The following NTN1 variants were observed in gnomAD, a reference collection of about 807,000 sequenced individuals.
The protein encoded by NTN1 is netrin-1.
A neutral mutation model predicts 54.2 loss-of-function variants in NTN1; 11 were observed. The ratio of observed to expected loss-of-function variants is 0.20; its 90% CI spans 0.13 to 0.34. The LOEUF (loss-of-function observed/expected upper bound fraction) is 0.34. Ranked by LOEUF, NTN1 falls within the 10% of genes least tolerant of loss-of-function variation. NTN1 has a pLI of 1.00. For synonymous variants in NTN1, 371 were observed against 382.0 expected (o/e 0.97, Z 0.33); for missense variants, 740 against 893.1 (o/e 0.83, Z 2.18).
rs573882907 is a variant in NTN1, at chr17:9,148,018, T to C, written c.1019-14795T>C. On this transcript the variant is annotated intron_variant, in intron 2 of 6. Coordinates refer to ENST00000173229, the MANE Select transcript of NTN1 (RefSeq NM_004822.3). Reference sequence around the variant, plus strand: ...TGTGTCTCCTGGAACTGGAGTGTGATTGGTTCCACATGGGGATCTTTGCAT... The same window carrying C: ...TGTGTCTCCTGGAACTGGAGTGTGACTGGTTCCACATGGGGATCTTTGCAT... Among the ~76,000 whole-genome samples, 200 of 152,254 alleles carry C rather than the reference T, an allele frequency of 1.3e-3. 1 individual carries two copies. The highest frequency in any genetic ancestry group is 4.3e-3 in the African/African-American group (178 of 41,554).
At chr17:9,015,484 C>T in the NTN1 span, among the ~76,000 whole-genome samples, 1 of 152,048 alleles carries the variant, frequency 6.6e-6, no homozygotes, top group East Asian at 1.9e-4. Context: ...CAAAGGCACC[C>T]CCGGCCACCC....
At chr17:9,216,368 C>G (rs1305520632) in intron 5 of NTN1, among the ~76,000 whole-genome samples, 1 of 152,230 alleles carries the variant, frequency 6.6e-6, no homozygotes, top group Non-Finnish European at 1.5e-5. Context: ...TGCCTTTCTT[C>G]TCCTAGTTCA....
chr17:9,112,596 C>T (rs938447631), intron 2 of NTN1, among the ~76,000 whole-genome samples: 1 of 147,370 alleles, frequency 6.8e-6, no homozygotes, highest in Non-Finnish European at 1.5e-5. Flanking sequence ...GAGGCCGAGG[C>T]AGGCGGATCA....
intron 5 of NTN1, among the ~76,000 whole-genome samples, chr17:9,202,123 C>A (rs1904816935): frequency 6.8e-6 from 1 of 147,158 alleles, no homozygotes; most frequent in South Asian, 2.2e-4. Context: ...CACCTGTAGT[C>A]CCAGCTACTC....
chr17:9,136,943 G>A (rs1278002665), intron 2 of NTN1, among the ~76,000 whole-genome samples: 1 of 152,092 alleles, frequency 6.6e-6, no homozygotes, highest in Non-Finnish European at 1.5e-5. Flanking sequence ...TCACTTCAGC[G>A]CACAAAAAGG....
chr17:9,127,877 G>T (rs1331782442), intron 2 of NTN1, among the ~76,000 whole-genome samples: 3 of 152,218 alleles, frequency 2.0e-5, no homozygotes, highest in Admixed American at 1.3e-4. Context: ...AGCACTTTGG[G>T]AGGCTGAGGT....
At position 9,239,076 on chromosome 17, in the gene NTN1, T is replaced by G. The variant is rs1597556391; in HGVS notation, c.1487-564T>G. ...ATGGCTTAGGCGTGGGAAGCGGCAGTCCAAGGTTCCCGGGGCTCTGGAAAA... is the reference window on the plus strand; with the variant it reads ...ATGGCTTAGGCGTGGGAAGCGGCAGGCCAAGGTTCCCGGGGCTCTGGAAAA... On this transcript the variant is annotated intron_variant, in intron 6 of 6. Coordinates refer to ENST00000173229, the MANE Select transcript of NTN1 (RefSeq NM_004822.3). This position sits in a 1 kb window ranked among gnomAD's most constrained non-coding sequence, Gnocchi z 5.2. Among the ~76,000 whole-genome samples, 1 of 152,128 alleles carries G rather than the reference T, an allele frequency of 6.6e-6. No individual in the cohort carries two copies. The highest frequency in any genetic ancestry group is 2.4e-5 in the African/African-American group (1 of 41,406).
intron 2 of NTN1, among the ~76,000 whole-genome samples, chr17:9,094,323 A>G (rs968935397): frequency 1.4e-4 from 21 of 152,098 alleles, no homozygotes; most frequent in Admixed American, 1.2e-3. Flanking sequence ...ACAGTGAGGT[A>G]CATTCTTGGA....
Position 9,212,124 on chromosome 17 carries a change from C to G in NTN1, c.1412-9044C>G, listed in dbSNP as rs1905120108. 6.6e-6 allele frequency among the ~76,000 whole-genome samples: 1 copy of G among 152,190 alleles called. No individual in the cohort carries two copies. Among genetic ancestry groups the G allele is most frequent in the Non-Finnish European group, 1.5e-5 (1 of 68,034 alleles). ...AGGGTGATGGATTGGGTCAGCGAGACTAGTACAGGCTTAGAGAGATGGGTG... is the reference window on the plus strand; with the variant it reads ...AGGGTGATGGATTGGGTCAGCGAGAGTAGTACAGGCTTAGAGAGATGGGTG... On this transcript the variant is annotated intron_variant, in intron 5 of 6. Transcript: ENST00000173229. This position sits in a 1 kb window ranked among gnomAD's most constrained non-coding sequence, Gnocchi z 5.5.
At chr17:9,059,828 CAAAAAAAAA>C (rs34556932) in intron 2 of NTN1, among the ~76,000 whole-genome samples, 1 of 140,868 alleles carries the variant, frequency 7.1e-6, no homozygotes. Flanking sequence ...ACCTCAATTA[CAAAAAAAAA>C]AAAAAAAAAA....
At position 9,179,928 on chromosome 17, in the gene NTN1, G is replaced by C. The variant is rs745580830; in HGVS notation, c.1329G>C (p.Gln443His). 1.2e-6 allele frequency: 2 copies of C among 1,613,942 alleles called. No homozygotes were observed. The highest frequency in any genetic ancestry group is 1.7e-6 in the Non-Finnish European group (2 of 1,179,982). The change falls in exon 4 of 7, where the codon CAG (glutamine) becomes CAC (histidine). Residue 443 changes from glutamine to histidine, a missense_variant. Coordinates refer to ENST00000173229, the MANE Select transcript of NTN1 (RefSeq NM_004822.3). ...ACCGCTGCGCCAAAGGCTACCAGCAGAGCCGCTCTCCCATCGCCCCCTGCA... is the reference window on the plus strand; with the variant it reads ...ACCGCTGCGCCAAAGGCTACCAGCACAGCCGCTCTCCCATCGCCCCCTGCA... Reference protein sequence around the residue: ...TCNRCAKGYQQSRSPIAPCIK... With the variant: ...TCNRCAKGYQHSRSPIAPCIK...
At position 9,219,116 on chromosome 17, in the gene NTN1, C is replaced by A. The variant is rs1010318063; in HGVS notation, c.1412-2052C>A. On this transcript the variant is annotated intron_variant, in intron 5 of 6. Coordinates refer to ENST00000173229, the MANE Select transcript of NTN1 (RefSeq NM_004822.3). This position sits in a 1 kb window ranked among gnomAD's most constrained non-coding sequence, Gnocchi z 4.5. Reference sequence around the variant, plus strand: ...TGGCTTTATTGTGAGCGTCATCTATCCCTGAGCTGGCAAAGATGTGGCCCA... The same window carrying A: ...TGGCTTTATTGTGAGCGTCATCTATACCTGAGCTGGCAAAGATGTGGCCCA... Among the ~76,000 whole-genome samples the A allele has an allele frequency of 2.6e-5, 4 of 152,216 alleles. No homozygotes were observed. Among genetic ancestry groups the A allele is most frequent in the African/African-American group, 9.6e-5 (4 of 41,462 alleles).
chr17:9,132,079 C>G (rs1430688181), intron 2 of NTN1, among the ~76,000 whole-genome samples: 1 of 151,608 alleles, frequency 6.6e-6, no homozygotes, highest in Non-Finnish European at 1.5e-5. Flanking sequence ...TGTTTCAATA[C>G]TCTGTCCGCG....
intron 3 of NTN1, chr17:9,179,166 G>A (rs1312878200): frequency 6.6e-6 from 1 of 152,176 alleles, no homozygotes; most frequent in East Asian, 1.9e-4. Flanking sequence ...ATTTAATCAG[G>A]GCTTTAAGCT....
intron 2 of NTN1, among the ~76,000 whole-genome samples, chr17:9,068,232 A>T (rs915428353): frequency 6.6e-6 from 1 of 152,076 alleles, no homozygotes; most frequent in Non-Finnish European, 1.5e-5. Context: ...CCCAGGTTGG[A>T]GTACAGTGGT....
intron 2 of NTN1, among the ~76,000 whole-genome samples, chr17:9,127,234 C>A (rs531037374): frequency 3.9e-4 from 60 of 152,122 alleles, no homozygotes; most frequent in African/African-American, 1.4e-3. Flanking sequence ...AGCCAGGAGG[C>A]CTTGGAAGTT....
chr17:9,157,917 TAAAC>T (rs1322113661), intron 2 of NTN1, among the ~76,000 whole-genome samples: 1 of 152,146 alleles, frequency 6.6e-6, no homozygotes, highest in Admixed American at 6.5e-5. Flanking sequence ...ATGCAGGAGA[TAAAC>T]AGGAAGGCGC....
chr17:9,100,343 G>C (rs2092146162), intron 2 of NTN1, among the ~76,000 whole-genome samples: 1 of 152,128 alleles, frequency 6.6e-6, no homozygotes, highest in African/African-American at 2.4e-5. Context: ...TGTTGCCCAG[G>C]CTGGAGTGCA....
At chr17:9,081,747 G>A (rs2092072005) in intron 2 of NTN1, among the ~76,000 whole-genome samples, 1 of 152,206 alleles carries the variant, frequency 6.6e-6, no homozygotes, top group African/African-American at 2.4e-5. Flanking sequence ...TGGGGGTCAG[G>A]GGTGGGATAG....
Sources: allele counts gnomAD v4.1 joint callset (sites outside exome capture counted in the v4.1 genomes callset), GRCh38; gene constraint gnomAD v4.1.1; non-coding constraint Gnocchi (gnomAD v3.1); transcripts MANE v1.5; gene names NCBI Gene and HGNC (gene_info 2026-07-23, HGNC 2026-07-21).